CNP: variants seen among roughly 807,000 people sequenced by gnomAD.
CNP encodes 2',3'-cyclic nucleotide 3' phosphodiesterase, also known as 2',3'-cyclic-nucleotide 3'-phosphodiesterase.
In CNP, 8 loss-of-function variants were observed where a neutral mutation model predicts 37.9. That is an observed-to-expected ratio of 0.21 (90% confidence interval 0.12 to 0.38). The LOEUF (loss-of-function observed/expected upper bound fraction) is 0.38, where lower values mean the gene tolerates loss of function less well. Among genes scored for constraint, CNP ranks in the 10% least tolerant of loss-of-function variants. The probability of loss-of-function intolerance (pLI) is 1.00; values close to 1 mark genes in which losing one functional copy is unlikely to be tolerated. For synonymous variants in CNP, 237 were observed against 238.3 expected (o/e 0.99, Z 0.05); for missense variants, 457 against 551.0 (o/e 0.83, Z 1.71).
At position 41,974,158 on chromosome 17, in the gene CNP, G is replaced by A. The variant is rs2051037792; in HGVS notation, c.*234G>A. ...GCAGGGAGGCACCATTCAGGAACCT[G>A]GACCAAAGCTGACGAGGCTGGGCCA... is the stretch of plus-strand genomic sequence containing the variant. On this transcript the variant is annotated 3_prime_UTR_variant, in exon 4 of 4. Coordinates refer to ENST00000393892, the MANE Select transcript of CNP (RefSeq NM_033133.5). 2.7e-6 allele frequency: 1 copy of A among 364,580 alleles called. No homozygotes were observed. The highest frequency in any genetic ancestry group is 4.8e-6 in the Non-Finnish European group (1 of 206,822). The allele number at this position is 364,580 out of a possible 1,614,324, so 22.6% of individuals were successfully genotyped here. A position where few individuals can be genotyped will look rare whatever the true frequency, so the allele number is the denominator to read the frequency against.
At chr17:41,967,716 A>C in intron 1 of CNP, 1 of 1,055,100 alleles carries the variant, frequency 9.5e-7, no homozygotes, top group South Asian at 3.8e-5. Context: ...GGCTTGGCCC[A>C]GACACAGAGA....
In CNP at chr17:41,975,118, T is replaced by C. The variant is rs567080846; in HGVS notation, c.*1194T>C. 1 of 152,388 alleles carries C rather than the reference T, an allele frequency of 6.6e-6. No homozygotes were observed. Among genetic ancestry groups the C allele is most frequent in the Admixed American group, 6.5e-5 (1 of 15,310 alleles). The allele number at this position is 152,388 out of a possible 1,614,324, so 9.4% of individuals were successfully genotyped here. A position where few individuals can be genotyped will look rare whatever the true frequency, so the allele number is the denominator to read the frequency against. ...TTTGGATTTAAGTTACTATCCTGGC[T>C]TTGCCCAACCTCAGCAACCTGTAAG... On this transcript the variant is annotated 3_prime_UTR_variant, in exon 4 of 4. Transcript: ENST00000393892.
At chr17:41,969,561 AT>A (rs146331953) in intron 2 of CNP, among the ~76,000 whole-genome samples, 1,534 of 152,120 alleles carry the variant, frequency 0.01, 28 homozygotes, top group African/African-American at 0.035. Context: ...AATTTTATTT[AT>A]TTATTTATTG....
Position 41,976,124 on chromosome 17 carries a change from G to C in CNP, c.*2200G>C, listed in dbSNP as rs1181824531. 2 of 154,158 alleles carry C rather than the reference G, an allele frequency of 1.3e-5. No homozygotes were observed. The highest frequency in any genetic ancestry group is 2.9e-5 in the Non-Finnish European group (2 of 69,616). 9.5% of individuals were successfully genotyped at this position (154,158 alleles called of 1,614,324 possible). The stretch of plus-strand genomic sequence containing the variant: ...GTCAGTACCCACCTGAGCTTTGGAC[G>C]CACACAGCTTTTAGTACCCACCTGA... On this transcript the variant is annotated 3_prime_UTR_variant, in exon 4 of 4. Transcript: ENST00000393892.
Position 41,977,469 on chromosome 17 carries a change from G to C in CNP, c.*3545G>C. 1.4e-6 allele frequency: 1 copy of C among 701,342 alleles called. No homozygotes were observed. The highest frequency in any genetic ancestry group is 2.4e-6 in the Non-Finnish European group (1 of 415,298). 43.4% of individuals were successfully genotyped at this position (701,342 alleles called of 1,614,324 possible). A position where few individuals can be genotyped will look rare whatever the true frequency, so the allele number is the denominator to read the frequency against. On this transcript the variant is annotated 3_prime_UTR_variant, in exon 4 of 4. Transcript: ENST00000393892. Reference sequence around the variant, plus strand: ...CCTTTCCCAACACTTCAGACTGCAAGTGAGCAAACCTGCCCCATCCCGTGC... The same window carrying C: ...CCTTTCCCAACACTTCAGACTGCAACTGAGCAAACCTGCCCCATCCCGTGC...
Position 41,966,842 on chromosome 17 carries a change from G to A in CNP, c.-43G>A. 1 of 1,373,540 alleles carries A rather than the reference G, an allele frequency of 7.3e-7. No homozygotes were observed. The highest frequency in any genetic ancestry group is 9.4e-7 in the Non-Finnish European group (1 of 1,065,076). The allele number at this position is 1,373,540 out of a possible 1,614,324, so 85.1% of individuals were successfully genotyped here. A position where few individuals can be genotyped will look rare whatever the true frequency, so the allele number is the denominator to read the frequency against. On this transcript the variant is annotated 5_prime_UTR_variant, in exon 1 of 4. Coordinates refer to ENST00000393892, the MANE Select transcript of CNP (RefSeq NM_033133.5). ...CCGCGCAGGCGGGCGGCCCCGGAGCGCTGGTGCCGGCAGAGGCGGCGACGG... is the reference window on the plus strand; with the variant it reads ...CCGCGCAGGCGGGCGGCCCCGGAGCACTGGTGCCGGCAGAGGCGGCGACGG...
In CNP at chr17:41,976,769, T is replaced by A. The variant is rs781995338; in HGVS notation, c.*2845T>A. The A allele has an allele frequency of 3.7e-6, 6 of 1,610,880 alleles. No homozygotes were observed. In the East Asian group the frequency reaches 1.1e-4, roughly 30 times the overall value. Reference sequence around the variant, plus strand: ...GAAAAAAGAAATTCCCTGGACCAGATGCTGAAAGAGAAAAGAGGGGTTGGT... The same window carrying A: ...GAAAAAAGAAATTCCCTGGACCAGAAGCTGAAAGAGAAAAGAGGGGTTGGT... On this transcript the variant is annotated 3_prime_UTR_variant, in exon 4 of 4. Transcript: ENST00000393892.
In CNP at chr17:41,976,814, A is replaced by G. The variant is rs781907045; in HGVS notation, c.*2890A>G. On this transcript the variant is annotated 3_prime_UTR_variant, in exon 4 of 4. Coordinates refer to ENST00000393892, the MANE Select transcript of CNP (RefSeq NM_033133.5). ...GTTGGTAGTTGGCTATGGATTTTCT[A>G]AGGAAGATCACTTTGCTCTGATTAT... The G allele has an allele frequency of 3.8e-6, 6 of 1,597,386 alleles. No individual in the cohort carries two copies. The highest frequency in any genetic ancestry group is 5.1e-6 in the Non-Finnish European group (6 of 1,175,550).
At position 41,974,180 on chromosome 17, in the gene CNP, G is replaced by C. The variant is rs979659271; in HGVS notation, c.*256G>C. On this transcript the variant is annotated 3_prime_UTR_variant, in exon 4 of 4. Transcript: ENST00000393892. ...CCTGGACCAAAGCTGACGAGGCTGG[G>C]CCAAGCCAGGGATGGGGCCACAGCC... 6.6e-6 allele frequency: 2 copies of C among 304,444 alleles called. No individual in the cohort carries two copies. Among genetic ancestry groups the C allele is most frequent in the Non-Finnish European group, 1.2e-5 (2 of 166,800 alleles). The allele number at this position is 304,444 out of a possible 1,614,324, so 18.9% of individuals were successfully genotyped here.
At position 41,972,048 on chromosome 17, in the gene CNP, G is replaced by A. The variant is rs782697508; in HGVS notation, c.816+17G>A. 65 of 1,612,434 alleles carry A rather than the reference G, an allele frequency of 4.0e-5. 1 individual carries two copies. The African/African-American group carries it at 8.3e-4, about 21-fold the overall frequency. On this transcript the variant is annotated intron_variant, in intron 3 of 3. Transcript: ENST00000393892. ...CAACAAGATGTGAGTCTTCCCCAGG[G>A]ACACATGGGGGAGGTGGGAGGTTGG...
intron 1 of CNP, 95 bp downstream of exon 1, chr17:41,966,982 C>T (rs1314551949): frequency 8.9e-6 from 11 of 1,230,208 alleles, no homozygotes; most frequent in African/African-American, 3.1e-5. Context: ...AACGAGGACC[C>T]GGGGCTCCGG....
chr17:41,973,925 G>C lies in CNP; in HGVS notation c.*1G>C, dbSNP rs782736241. The C allele has an allele frequency of 2.0e-6, 3 of 1,516,116 alleles. No homozygotes were observed. The highest frequency in any genetic ancestry group is 2.6e-6 in the Non-Finnish European group (3 of 1,133,004). The allele number at this position is 1,516,116 out of a possible 1,614,324, so 93.9% of individuals were successfully genotyped here. ...CTTGCAGTCCTGCACCATCATATGA[G>C]TGTTCTCACCACCACTTATGCCCCT... On this transcript the variant is annotated 3_prime_UTR_variant, in exon 4 of 4. Transcript: ENST00000393892.
chr17:41,966,910 G>A (rs2050904677), intron 1 of CNP, 23 bp downstream of exon 1: 1 of 1,320,468 alleles, frequency 7.6e-7, no homozygotes, highest in Non-Finnish European at 9.7e-7. Flanking sequence ...GCGGGGCCGG[G>A]CACGGGGTAG....
At position 41,968,231 on chromosome 17, in the gene CNP, G is replaced by A. The variant is rs782788519; in HGVS notation, c.167G>A (p.Arg56His). 2 of 1,614,176 alleles carry A rather than the reference G, an allele frequency of 1.2e-6. No individual in the cohort carries two copies. Among genetic ancestry groups the A allele is most frequent in the Non-Finnish European group, 1.7e-6 (2 of 1,180,024 alleles). Residue 56 changes from arginine (R) to histidine (H), a missense_variant, in exon 2 of 4, where the codon CGC becomes CAC. By Grantham distance (29) the Arg-to-His change is conservative. Coordinates refer to ENST00000393892, the MANE Select transcript of CNP (RefSeq NM_033133.5). The surrounding 1 kb of genome is among the most constrained non-coding windows in gnomAD (Gnocchi z 4.8). ...GAGTGCAAGACGCTCTTCATCTTGC[G>A]CGGCCTGCCAGGAAGCGGCAAGTCC... ...LLECKTLFIL[R>H]GLPGSGKSTL...
chr17:41,971,857 C>CCCCTG (rs1555643850), intron 2 of CNP, 35 bp from the exon 3 acceptor site: 1 of 1,613,064 alleles, frequency 6.2e-7, no homozygotes, highest in South Asian at 1.1e-5. Context: ...TGCCCCTGCT[C>CCCCTG]CCCTGCCCTG....
chr17:41,976,999 G>T lies in CNP; in HGVS notation c.*3075G>T. 1.6e-6 allele frequency: 1 copy of T among 643,686 alleles called. No individual in the cohort carries two copies. The highest frequency in any genetic ancestry group is 2.7e-6 in the Non-Finnish European group (1 of 377,014). 39.9% of individuals were successfully genotyped at this position (643,686 alleles called of 1,614,324 possible). On this transcript the variant is annotated 3_prime_UTR_variant, in exon 4 of 4. Transcript: ENST00000393892. The stretch of plus-strand genomic sequence containing the variant: ...TTATCTATATAGTACCTTTGCTCTT[G>T]CAGAGAAGCCTTGGTACTAGGCAGT...
rs1363319629 is a variant in CNP at position 41,974,800 on chromosome 17, G to A, written c.*876G>A. 1 of 152,420 alleles carries A rather than the reference G, an allele frequency of 6.6e-6. No homozygotes were observed. The highest frequency in any genetic ancestry group is 1.9e-4 in the East Asian group (1 of 5,184). 9.4% of individuals were successfully genotyped at this position (152,420 alleles called of 1,614,324 possible). ...GGCCTGGCTCCGCTGTGTGGATGGG[G>A]AGATCGGGGCCAGAGGCAGAACCCT... On this transcript the variant is annotated 3_prime_UTR_variant, in exon 4 of 4. Transcript: ENST00000393892.
At position 41,968,128 on chromosome 17, in the gene CNP, T is replaced by C. The variant is rs1266438832; in HGVS notation, c.64T>C (p.Ser22Pro). The change falls in exon 2 of 4, where the codon TCA becomes CCA. Residue 22 changes from serine (S) to proline (P), a missense_variant. By Grantham distance (74) the Ser-to-Pro change is moderately conservative. Transcript: ENST00000393892. The surrounding 1 kb of genome is among the most constrained non-coding windows in gnomAD (Gnocchi z 4.8). ...FLPKIFFRKM[S>P]SSGAKDKPEL... ...GCCCAAGATCTTCTTCCGCAAGATGTCATCCTCAGGGGCCAAGGACAAGCC... is the reference window on the plus strand; with the variant it reads ...GCCCAAGATCTTCTTCCGCAAGATGCCATCCTCAGGGGCCAAGGACAAGCC... 1.2e-6 allele frequency: 2 copies of C among 1,614,106 alleles called. No homozygotes were observed. Among genetic ancestry groups the C allele is most frequent in the African/African-American group, 1.3e-5 (1 of 74,934 alleles).
chr17:41,974,062 G>A lies in CNP; in HGVS notation c.*138G>A. 1.4e-6 allele frequency: 1 copy of A among 706,026 alleles called. No homozygotes were observed. The highest frequency in any genetic ancestry group is 2.0e-6 in the Non-Finnish European group (1 of 491,004). The allele number at this position is 706,026 out of a possible 1,614,324, so 43.7% of individuals were successfully genotyped here. ...CCTACCTGTAACTTTTTAAAAACTT[G>A]TAAAATAACTGACCCTCCCTTCCTG... On this transcript the variant is annotated 3_prime_UTR_variant, in exon 4 of 4. Coordinates refer to ENST00000393892, the MANE Select transcript of CNP (RefSeq NM_033133.5).
Sources: gnomAD v4.1 joint callset for allele counts (sites outside exome capture counted in the v4.1 genomes callset) on GRCh38, gnomAD v4.1.1 for gene constraint, Gnocchi (gnomAD v3.1) non-coding constraint, MANE v1.5 for transcripts, NCBI Gene and HGNC (gene_info 2026-07-23, HGNC 2026-07-21) for gene names.